RNF17: variants seen among roughly 807,000 people sequenced by gnomAD.
The protein encoded by RNF17 is spermatogenesis associated 23.
A neutral mutation model predicts 200.5 loss-of-function variants in RNF17; 31 were observed. The observed-to-expected ratio is 0.15, with a 90% CI of 0.12 to 0.21. The LOEUF (loss-of-function observed/expected upper bound fraction) is 0.21, where lower values mean the gene tolerates loss of function less well. Ranked by LOEUF, RNF17 falls within the 10% of genes least tolerant of loss-of-function variation. The probability of loss-of-function intolerance (pLI) is 1.00; values close to 1 mark genes in which losing one functional copy is unlikely to be tolerated. For synonymous variants in RNF17, 606 were observed against 637.8 expected (o/e 0.95, Z 0.75); for missense variants, 1,628 against 1,905.1 (o/e 0.85, Z 2.71).
the RNF17 span, among the ~76,000 whole-genome samples, chr13:24,757,098 G>A: frequency 6.6e-6 from 1 of 152,008 alleles, no homozygotes; most frequent in African/African-American, 2.4e-5. Flanking sequence ...AATGATTGCT[G>A]CCATGTTCCA....
At chr13:24,792,345 G>A (rs890434421) in intron 9 of RNF17, among the ~76,000 whole-genome samples, 2 of 152,016 alleles carry the variant, frequency 1.3e-5, no homozygotes, top group African/African-American at 2.4e-5. Context: ...GTAAGAGCAG[G>A]TATTCAAACA....
At chr13:24,885,662 G>A in the RNF17 span, 1 of 1,611,608 alleles carries the variant, frequency 6.2e-7, no homozygotes. Flanking sequence ...GATCTTCGAG[G>A]TGGATTGCCT....
intron 1 of RNF17, 45 bp downstream of exon 1, chr13:24,764,378 G>C (rs1028820634): frequency 2.0e-6 from 3 of 1,523,952 alleles, no homozygotes; most frequent in Non-Finnish European, 2.7e-6. Context: ...AGCCTGGAGG[G>C]AGCGCTGGGG....
At chr13:24,748,746 G>T in the RNF17 span, among the ~76,000 whole-genome samples, 6 of 121,542 alleles carry the variant, frequency 4.9e-5, no homozygotes, top group African/African-American at 1.7e-4. Context: ...GGTTTTTTTT[G>T]TTTTTTGTTT....
chr13:24,819,923 T>A (rs1279212081), intron 15 of RNF17, among the ~76,000 whole-genome samples: 1 of 152,162 alleles, frequency 6.6e-6, no homozygotes, highest in Non-Finnish European at 1.5e-5. Flanking sequence ...ACAGGGCAGA[T>A]CTAGTGGTAA....
the RNF17 span, among the ~76,000 whole-genome samples, chr13:24,748,026 C>A: frequency 6.6e-6 from 1 of 152,234 alleles, no homozygotes; most frequent in Non-Finnish European, 1.5e-5. Context: ...GACTTCCCTC[C>A]CGCTCCGGGC....
At chr13:24,757,128 G>A in the RNF17 span, among the ~76,000 whole-genome samples, 2 of 151,896 alleles carry the variant, frequency 1.3e-5, no homozygotes, top group Non-Finnish European at 2.9e-5. Context: ...TGAAAGCCTC[G>A]TTTCACAATG....
intron 26 of RNF17, among the ~76,000 whole-genome samples, chr13:24,860,486 G>A (rs907968596): frequency 1.3e-5 from 2 of 151,814 alleles, no homozygotes; most frequent in Non-Finnish European, 2.9e-5. Context: ...TAAATGTCTC[G>A]TGAAACCATA....
chr13:24,790,280 C>G (rs950016740), intron 9 of RNF17, among the ~76,000 whole-genome samples: 2 of 152,004 alleles, frequency 1.3e-5, no homozygotes, highest in African/African-American at 4.8e-5. Flanking sequence ...AATATATGGG[C>G]AGTGAAATAG....
At chr13:24,784,971 T>G (rs1218129487) in intron 6 of RNF17, among the ~76,000 whole-genome samples, 6 of 152,156 alleles carry the variant, frequency 3.9e-5, no homozygotes, top group Non-Finnish European at 8.8e-5. Flanking sequence ...CCTCCCAAAG[T>G]GCTGGGATTA....
intron 2 of RNF17, among the ~76,000 whole-genome samples, chr13:24,768,375 CCCAGGTCCAAGTGATTT>C (rs1566110579): frequency 1.3e-5 from 2 of 150,958 alleles, no homozygotes; most frequent in Non-Finnish European, 2.9e-5. Flanking sequence ...ACCTCCGCCT[CCCAGGTCCAAGTGATTT>C]TCCTGCCTCA....
chr13:24,830,604 T>TGAG lies in RNF17; in HGVS notation c.2361+5_2361+6insGAG, dbSNP rs1275976602. 1 of 1,547,746 alleles carries TGAG rather than the reference T, an allele frequency of 6.5e-7. No homozygotes were observed. Among genetic ancestry groups the TGAG allele is most frequent in the East Asian group, 2.3e-5 (1 of 44,396 alleles). ...TTTCTGAATGCCCCAGAGAAGGTAA[T>TGAG]TTATTTATTATGAATTCTAGGGCTA... On this transcript the variant is annotated splice_donor_region_variant and intron_variant, in intron 17 of 35. Transcript: ENST00000255324.
chr13:24,854,387 A>G (rs543431766), intron 25 of RNF17, among the ~76,000 whole-genome samples: 3 of 152,354 alleles, frequency 2.0e-5, no homozygotes, highest in Middle Eastern at 3.4e-3. Flanking sequence ...TCTCAGTATA[A>G]GAAGAAAGGA....
rs149938778 is a variant in RNF17 at position 24,796,265 on chromosome 13, C to T, written c.1369C>T (p.His457Tyr). Reference sequence around the variant, plus strand: ...GAATGAATTTTGCAATAGGAGTTCACACCTTGATCCTTCAGACATTTTGGA... The same window carrying T: ...GAATGAATTTTGCAATAGGAGTTCATACCTTGATCCTTCAGACATTTTGGA... ...KVNEFCNRSS[H>Y]LDPSDILELG... The change falls in exon 11 of 36, where the codon CAC becomes TAC. Residue 457 changes from histidine to tyrosine, a missense_variant. By Grantham distance (83) the His-to-Tyr change is moderately conservative. Transcript: ENST00000255324. The T allele has an allele frequency of 1.3e-4, 211 of 1,605,856 alleles. No individual in the cohort carries two copies. The highest frequency in any genetic ancestry group is 5.9e-4 in the Admixed American group (35 of 59,046).
At chr13:24,876,656 C>G (rs1894887764) in intron 33 of RNF17, among the ~76,000 whole-genome samples, 1 of 152,166 alleles carries the variant, frequency 6.6e-6, no homozygotes, top group Non-Finnish European at 1.5e-5. Flanking sequence ...ATTTGACTTG[C>G]ATTTCCCTAA....
intron 22 of RNF17, 143 bp from the exon 23 acceptor site, chr13:24,850,198 G>T: frequency 2.2e-6 from 1 of 451,680 alleles, no homozygotes; most frequent in Non-Finnish European, 3.9e-6. Context: ...AAAATAATAC[G>T]AATCCATGTT....
intron 5 of RNF17, among the ~76,000 whole-genome samples, chr13:24,781,597 C>T (rs2137560219): frequency 6.6e-6 from 1 of 152,288 alleles, no homozygotes; most frequent in Non-Finnish European, 1.5e-5. Context: ...GCTCAGCCTA[C>T]TGCACTCCAG....
At position 24,871,958 on chromosome 13, in the gene RNF17, C is replaced by CTTT. The variant is rs60797153; in HGVS notation, c.4447+1243_4447+1245dup. Among the ~76,000 whole-genome samples the CTTT allele has an allele frequency of 6.1e-4, 44 of 71,732 alleles. 2 individuals are homozygous for CTTT. Among genetic ancestry groups the CTTT allele is most frequent in the Non-Finnish European group, 6.8e-4 (27 of 39,562 alleles). The allele number at this position is 71,732 out of a possible 152,430, so 47.1% of individuals were successfully genotyped here. ...GATGAGATTCTTGTTTTATTGATGA[C>CTTT]TTTTTTTTTTTTTTTTTTTTTTTTT... On this transcript the variant is annotated intron_variant, in intron 32 of 35. Coordinates refer to ENST00000255324, the MANE Select transcript of RNF17 (RefSeq NM_031277.3).
At chr13:24,874,697 C>G (rs1894672540) in intron 33 of RNF17, among the ~76,000 whole-genome samples, 1 of 152,166 alleles carries the variant, frequency 6.6e-6, no homozygotes, top group South Asian at 2.1e-4. Context: ...CAGGTGTCAG[C>G]CACCACACCT....
Sources: allele counts gnomAD v4.1 joint callset (sites outside exome capture counted in the v4.1 genomes callset), GRCh38; gene constraint gnomAD v4.1.1; transcripts MANE v1.5; gene names NCBI Gene and HGNC (gene_info 2026-07-23, HGNC 2026-07-21).